ZBTB20: variants seen among roughly 807,000 people sequenced by gnomAD.
The protein encoded by ZBTB20 is zinc finger and BTB domain-containing protein 20.
Under a neutral mutation model 56.9 loss-of-function variants are expected in ZBTB20, and 9 were observed. The ratio of observed to expected loss-of-function variants is 0.16; its 90% confidence interval spans 0.10 to 0.28. The LOEUF is 0.28. Ranked by LOEUF, ZBTB20 falls within the 10% of genes least tolerant of loss-of-function variation. ZBTB20 has a pLI of 1.00. For missense variants in ZBTB20, 655 were observed against 1,003.0 expected (o/e 0.65, Z 4.69); for synonymous variants, 417 against 420.7 (o/e 0.99, Z 0.11).
intron 10 of ZBTB20, among the ~76,000 whole-genome samples, chr3:114,364,698 G>C (rs1347149284): frequency 6.6e-6 from 1 of 152,070 alleles, no homozygotes; most frequent in Non-Finnish European, 1.5e-5. Flanking sequence ...TTATACTAAA[G>C]GCTCACAATA....
intron 6 of ZBTB20, among the ~76,000 whole-genome samples, chr3:114,500,596 A>AC (rs1420098636): frequency 1.3e-5 from 2 of 152,022 alleles, no homozygotes; most frequent in Non-Finnish European, 2.9e-5. Flanking sequence ...TAAAGGTATG[A>AC]CCCCCTGCTA....
intron 10 of ZBTB20, chr3:114,356,090 C>G (rs2081221638): frequency 6.6e-6 from 1 of 152,156 alleles, no homozygotes; most frequent in Admixed American, 6.5e-5. Context: ...GGCATTCCCT[C>G]AAAACATGGA....
At chr3:115,058,819 T>A (rs757430677) in intron 2 of ZBTB20, among the ~76,000 whole-genome samples, 2 of 152,220 alleles carry the variant, frequency 1.3e-5, no homozygotes, top group African/African-American at 4.8e-5. Flanking sequence ...AACTGCTTCA[T>A]AGTGTCCCAT....
chr3:114,381,411 C>G (rs1345122910), intron 8 of ZBTB20, among the ~76,000 whole-genome samples: 1 of 152,162 alleles, frequency 6.6e-6, no homozygotes, highest in Non-Finnish European at 1.5e-5. Context: ...CTCCTCTCCC[C>G]AGGACAATGC....
At chr3:114,696,924 T>C (rs2063064041) in intron 5 of ZBTB20, among the ~76,000 whole-genome samples, 1 of 152,010 alleles carries the variant, frequency 6.6e-6, no homozygotes, top group African/African-American at 2.4e-5. Context: ...TAAATGAGAA[T>C]TACAGAAACT....
intron 2 of ZBTB20, among the ~76,000 whole-genome samples, chr3:115,003,883 G>T (rs935832345): frequency 7.3e-5 from 11 of 151,298 alleles, no homozygotes; most frequent in Non-Finnish European, 1.6e-4. Context: ...AATCAATATG[G>T]ATTTTTAAAA....
At chr3:114,927,611 A>G (rs930847333) in intron 3 of ZBTB20, among the ~76,000 whole-genome samples, 26 of 152,236 alleles carry the variant, frequency 1.7e-4, no homozygotes, top group African/African-American at 6.3e-4. Flanking sequence ...GCCAAGATTT[A>G]CACTAATGCA....
chr3:114,988,062 T>C (rs1231251981), intron 2 of ZBTB20, among the ~76,000 whole-genome samples: 1 of 151,736 alleles, frequency 6.6e-6, no homozygotes, highest in Non-Finnish European at 1.5e-5. Context: ...TATTGTTTTT[T>C]TCACATTGCA....
chr3:114,614,715 C>T (rs1472299886), intron 6 of ZBTB20, among the ~76,000 whole-genome samples: 1 of 151,302 alleles, frequency 6.6e-6, no homozygotes, highest in Non-Finnish European at 1.5e-5. Flanking sequence ...ATTGTAGTGT[C>T]CAATCTCATA....
At chr3:114,432,621 G>A (rs555220389) in intron 7 of ZBTB20, among the ~76,000 whole-genome samples, 1 of 152,300 alleles carries the variant, frequency 6.6e-6, no homozygotes, top group South Asian at 2.1e-4. Context: ...CAGTAAACAT[G>A]ACTCAACAGA....
At chr3:114,575,018 C>G (rs1000614107) in intron 6 of ZBTB20, among the ~76,000 whole-genome samples, 9 of 152,086 alleles carry the variant, frequency 5.9e-5, no homozygotes, top group African/African-American at 2.2e-4. Flanking sequence ...CTTTAAAGTA[C>G]ATCAAAACCA....
chr3:114,796,092 C>T (rs995416313), intron 5 of ZBTB20, among the ~76,000 whole-genome samples: 13 of 151,944 alleles, frequency 8.6e-5, no homozygotes, highest in Non-Finnish European at 1.5e-5. Flanking sequence ...TATTATCTCA[C>T]AGTTTTGGAG....
chr3:115,095,103 T>C (rs2083331721), intron 1 of ZBTB20, among the ~76,000 whole-genome samples: 1 of 152,222 alleles, frequency 6.6e-6, no homozygotes, highest in Non-Finnish European at 1.5e-5. Flanking sequence ...ACAAAATTAC[T>C]TCCAATATCA....
intron 5 of ZBTB20, among the ~76,000 whole-genome samples, chr3:114,716,828 G>A (rs1192392747): frequency 6.6e-6 from 1 of 152,000 alleles, no homozygotes; most frequent in African/African-American, 2.4e-5. Context: ...ATGAAGAAAT[G>A]AAAATATTTA....
intron 1 of ZBTB20, among the ~76,000 whole-genome samples, chr3:115,145,543 G>A (rs1315678293): frequency 6.6e-6 from 1 of 152,134 alleles, no homozygotes; most frequent in African/African-American, 2.4e-5. Context: ...TTGTTACACT[G>A]TATTGTTTAG....
chr3:114,623,163 A>G (rs147102657), intron 6 of ZBTB20, among the ~76,000 whole-genome samples: 1 of 152,314 alleles, frequency 6.6e-6, no homozygotes, highest in African/African-American at 2.4e-5. Context: ...CAGGGACCTG[A>G]TGGTAAAGGA....
At chr3:114,821,913 T>C (rs2073270997) in intron 4 of ZBTB20, among the ~76,000 whole-genome samples, 1 of 152,134 alleles carries the variant, frequency 6.6e-6, no homozygotes, top group African/African-American at 2.4e-5. Context: ...GAAAATCTTA[T>C]AATGCTAAAG....
intron 4 of ZBTB20, among the ~76,000 whole-genome samples, chr3:114,875,559 A>G (rs2076160918): frequency 6.6e-6 from 1 of 152,196 alleles, no homozygotes; most frequent in Non-Finnish European, 1.5e-5. Context: ...AAAAATATTT[A>G]GAATAACATT....
At chr3:115,014,659 A>G (rs1213144235) in intron 2 of ZBTB20, among the ~76,000 whole-genome samples, 1 of 151,722 alleles carries the variant, frequency 6.6e-6, no homozygotes, top group Non-Finnish European at 1.5e-5. Flanking sequence ...TAGGAGATGT[A>G]GCGATGAACC....
Sources: allele counts gnomAD v4.1 joint callset (sites outside exome capture counted in the v4.1 genomes callset), GRCh38; gene constraint gnomAD v4.1.1; transcripts MANE v1.5; gene names NCBI Gene and HGNC (gene_info 2026-07-23, HGNC 2026-07-21).